Variants in RNF220 observed in about 807,000 individuals in gnomAD.
RNF220 encodes the protein E3 ubiquitin-protein ligase RNF220.
Under a neutral mutation model 67.1 loss-of-function variants are expected in RNF220, and 7 were observed. The ratio of observed to expected loss-of-function variants is 0.10; its 90% CI spans 0.06 to 0.20. The LOEUF is 0.20. Among genes scored for constraint, RNF220 ranks in the 10% least tolerant of loss-of-function variants. The pLI, the probability that RNF220 is intolerant of heterozygous loss-of-function variation, is 1.00. For missense variants in RNF220, 565 were observed against 740.3 expected (o/e 0.76, Z 2.75); for synonymous variants, 270 against 283.2 (o/e 0.95, Z 0.47).
chr1:44,622,649 C>A lies in RNF220; in HGVS notation c.759-93C>A. 1 of 1,156,354 alleles carries A rather than the reference C, an allele frequency of 8.6e-7. No homozygotes were observed. Among genetic ancestry groups the A allele is most frequent in the Non-Finnish European group, 1.3e-6 (1 of 768,754 alleles). 71.6% of individuals were successfully genotyped at this position (1,156,354 alleles called of 1,614,324 possible). ...GCTGGGCTGGGCTAGGCGGTCTATG[C>A]CTTCTCTGTCTTTGGGGTCTTCTTG... On this transcript the variant is annotated intron_variant, in intron 3 of 14. Coordinates refer to ENST00000361799, the MANE Select transcript of RNF220 (RefSeq NM_018150.4). The surrounding 1 kb of genome is among the most constrained non-coding windows in gnomAD (Gnocchi z 4.3).
In RNF220 at chr1:44,544,458, A is replaced by G. The variant is rs79246886; in HGVS notation, c.626-69707A>G. Among the ~76,000 whole-genome samples, 723 of 152,336 alleles carry G rather than the reference A, an allele frequency of 4.7e-3. 8 individuals carry two copies. The highest frequency in any genetic ancestry group is 0.016 in the African/African-American group (662 of 41,572). On this transcript the variant is annotated intron_variant, in intron 2 of 14. Coordinates refer to ENST00000361799, the MANE Select transcript of RNF220 (RefSeq NM_018150.4). Reference sequence around the variant, plus strand: ...CAGTACTAGCCAGCACGAGGTTTTAATGAGTTCATGCATGTAAGTGCTGAG... The same window carrying G: ...CAGTACTAGCCAGCACGAGGTTTTAGTGAGTTCATGCATGTAAGTGCTGAG...
chr1:44,597,465 C>T (rs1244632849), intron 2 of RNF220, among the ~76,000 whole-genome samples: 2 of 74,372 alleles, frequency 2.7e-5, no homozygotes, highest in Non-Finnish European at 5.4e-5. Flanking sequence ...CTCTCTCTCT[C>T]ATGCACACAC....
intron 1 of RNF220, among the ~76,000 whole-genome samples, chr1:44,406,328 T>C (rs1226081624): frequency 6.6e-6 from 1 of 151,910 alleles, no homozygotes; most frequent in Non-Finnish European, 1.5e-5. Context: ...ACCGGTAAAC[T>C]CCCCACTCCT....
At chr1:44,617,959 C>T (rs1308271732) in intron 3 of RNF220, among the ~76,000 whole-genome samples, 2 of 152,160 alleles carry the variant, frequency 1.3e-5, no homozygotes, top group Non-Finnish European at 2.9e-5. Context: ...CTCTCCTACC[C>T]TGCCTTTGCC....
rs1643847034 is a variant in RNF220, at chr1:44,622,648, G to T, written c.759-94G>T. On this transcript the variant is annotated intron_variant, in intron 3 of 14. Coordinates refer to ENST00000361799, the MANE Select transcript of RNF220 (RefSeq NM_018150.4). This position sits in a 1 kb window ranked among gnomAD's most constrained non-coding sequence, Gnocchi z 4.3. ...AGCTGGGCTGGGCTAGGCGGTCTAT[G>T]CCTTCTCTGTCTTTGGGGTCTTCTT... The T allele has an allele frequency of 1.7e-6, 2 of 1,145,728 alleles. No individual in the cohort carries two copies. The highest frequency in any genetic ancestry group is 2.6e-6 in the Non-Finnish European group (2 of 759,010). 71.0% of individuals were successfully genotyped at this position (1,145,728 alleles called of 1,614,324 possible). A position where few individuals can be genotyped will look rare whatever the true frequency, so the allele number is the denominator to read the frequency against.
At chr1:44,494,205 C>CAAAAAAA (rs375116674) in intron 2 of RNF220, among the ~76,000 whole-genome samples, 29 of 122,460 alleles carry the variant, frequency 2.4e-4, no homozygotes, top group African/African-American at 4.1e-4. Context: ...GAAACTCTGT[C>CAAAAAAA]AAAAAAAAAA....
Position 44,417,052 on chromosome 1 carries a change from C to T in RNF220, c.625+4330C>T, listed in dbSNP as rs1648610841. Among the ~76,000 whole-genome samples, 1 of 152,274 alleles carries T rather than the reference C, an allele frequency of 6.6e-6. No individual in the cohort carries two copies. The highest frequency in any genetic ancestry group is 2.1e-4 in the South Asian group (1 of 4,820). On this transcript the variant is annotated intron_variant, in intron 2 of 14. Coordinates refer to ENST00000361799, the MANE Select transcript of RNF220 (RefSeq NM_018150.4). The surrounding 1 kb of genome is among the most constrained non-coding windows in gnomAD (Gnocchi z 4.0). ...GGGACTGGGGTGGGCAGGGACTCTA[C>T]ACTGGGCTTTTAGGAGAGTTGTTCT...
chr1:44,593,245 T>C (rs2148376360), intron 2 of RNF220, among the ~76,000 whole-genome samples: 1 of 152,330 alleles, frequency 6.6e-6, no homozygotes, highest in Middle Eastern at 3.4e-3. Context: ...CACTGTCCTA[T>C]CACAGTCCTG....
chr1:44,528,019 A>T (rs1660534925), intron 2 of RNF220, among the ~76,000 whole-genome samples: 1 of 151,740 alleles, frequency 6.6e-6, no homozygotes, highest in Non-Finnish European at 1.5e-5. Flanking sequence ...GAATGCAATG[A>T]AGTCACCAAA....
chr1:44,433,049 C>A (rs1650574564), intron 2 of RNF220, among the ~76,000 whole-genome samples: 1 of 152,084 alleles, frequency 6.6e-6, no homozygotes, highest in Admixed American at 6.5e-5. Flanking sequence ...CCTGCCTCAG[C>A]CTCACAAGTA....
intron 2 of RNF220, among the ~76,000 whole-genome samples, chr1:44,471,875 C>A (rs57689520): frequency 3.9e-5 from 6 of 152,156 alleles, no homozygotes; most frequent in African/African-American, 7.2e-5. Flanking sequence ...CTTCTCAATT[C>A]CCCCTCTTCT....
At chr1:44,457,743 T>C (rs1173305851) in intron 2 of RNF220, among the ~76,000 whole-genome samples, 2 of 152,212 alleles carry the variant, frequency 1.3e-5, no homozygotes, top group Non-Finnish European at 2.9e-5. Flanking sequence ...GCATTGCTAC[T>C]AGGTTGCTTA....
intron 2 of RNF220, among the ~76,000 whole-genome samples, chr1:44,523,806 G>C (rs575038766): frequency 2.4e-3 from 358 of 152,302 alleles, no homozygotes; most frequent in African/African-American, 7.8e-3. Flanking sequence ...TCACAATCCA[G>C]CATCCAGCGC....
At chr1:44,513,636 G>A (rs1369093432) in intron 2 of RNF220, among the ~76,000 whole-genome samples, 1 of 152,192 alleles carries the variant, frequency 6.6e-6, no homozygotes, top group Non-Finnish European at 1.5e-5. Context: ...CTTTGACAGG[G>A]CCCATATCAC....
intron 2 of RNF220, among the ~76,000 whole-genome samples, chr1:44,520,371 C>T (rs1451998487): frequency 6.6e-6 from 1 of 152,048 alleles, no homozygotes; most frequent in Non-Finnish European, 1.5e-5. Flanking sequence ...GAGGCTGAGG[C>T]AGGAGAATGG....
intron 5 of RNF220, among the ~76,000 whole-genome samples, chr1:44,630,734 TG>T (rs1187293089): frequency 1.3e-5 from 2 of 152,204 alleles, no homozygotes; most frequent in African/African-American, 4.8e-5. Flanking sequence ...CTGGAGGGCA[TG>T]GAGGCTCTCT....
intron 2 of RNF220, among the ~76,000 whole-genome samples, chr1:44,497,856 G>A (rs566059443): frequency 2.0e-5 from 3 of 152,310 alleles, no homozygotes; most frequent in Admixed American, 6.5e-5. Context: ...CTAATTGTTA[G>A]GATAAATCTT....
At chr1:44,476,975 C>G (rs941713863) in intron 2 of RNF220, among the ~76,000 whole-genome samples, 6 of 152,128 alleles carry the variant, frequency 3.9e-5, no homozygotes, top group African/African-American at 1.2e-4. Context: ...GTGTTTTGGC[C>G]AAATTGGTTG....
In RNF220 at chr1:44,589,248, G is replaced by A. The variant is rs143806599; in HGVS notation, c.626-24917G>A. Reference sequence around the variant, plus strand: ...AATCCCAACCCTCCATTTCCCAGCTGTGTGACCTTCGGCAAGTCACCATGT... The same window carrying A: ...AATCCCAACCCTCCATTTCCCAGCTATGTGACCTTCGGCAAGTCACCATGT... On this transcript the variant is annotated intron_variant, in intron 2 of 14. Transcript: ENST00000361799. Among the ~76,000 whole-genome samples, 236 of 152,312 alleles carry A rather than the reference G, an allele frequency of 1.5e-3. 4 individuals carry two copies. In the Middle Eastern group the frequency reaches 0.024, roughly 15 times the overall value.
Sources: gnomAD v4.1 joint callset for allele counts (sites outside exome capture counted in the v4.1 genomes callset) on GRCh38, gnomAD v4.1.1 for gene constraint, Gnocchi (gnomAD v3.1) non-coding constraint, MANE v1.5 for transcripts, NCBI Gene and HGNC (gene_info 2026-07-23, HGNC 2026-07-21) for gene names.